Variants in MCRS1 observed in about 807,000 individuals in gnomAD.
The protein encoded by MCRS1 is microspherule protein 1.
MCRS1 carries 22 observed loss-of-function variants against 62.9 expected under a neutral mutation model. The ratio of observed to expected loss-of-function variants is 0.35; its 90% CI spans 0.25 to 0.50. The LOEUF (loss-of-function observed/expected upper bound fraction) is 0.50, where lower values mean the gene tolerates loss of function less well. Ranked by LOEUF, MCRS1 falls within the 20% of genes least tolerant of loss-of-function variation. MCRS1 has a pLI of 0.98. For synonymous variants in MCRS1, 244 were observed against 233.5 expected (o/e 1.04, Z -0.41); for missense variants, 456 against 601.1 (o/e 0.76, Z 2.52).
chr12:49,560,499 C>T (rs1036656157), intron 8 of MCRS1, 129 bp from the exon 9 acceptor site: 7 of 785,980 alleles, frequency 8.9e-6, no homozygotes, highest in Non-Finnish European at 1.6e-5. Context: ...CAAGGGTGCC[C>T]ATACCAGATT....
At position 49,566,835 on chromosome 12, in the gene MCRS1, G is replaced by A; in HGVS notation, c.-104C>T. ...GACCAGGTGAGCTTAAAGGCTGAGA[G>A]GAGATTCTGCAAAGGAGAAATGAGG... On this transcript the variant is annotated 5_prime_UTR_variant, in exon 2 of 15. Coordinates refer to ENST00000343810, the MANE Select transcript of MCRS1 (RefSeq NM_006337.5). 2 of 1,470,516 alleles carry A rather than the reference G, an allele frequency of 1.4e-6. No individual in the cohort carries two copies. Among genetic ancestry groups the A allele is most frequent in the Non-Finnish European group, 1.9e-6 (2 of 1,073,528 alleles). 91.1% of individuals were successfully genotyped at this position (1,470,516 alleles called of 1,614,324 possible).
intron 3 of MCRS1, 75 bp downstream of exon 3, chr12:49,566,002 T>C (rs897026021): frequency 6.5e-7 from 1 of 1,547,210 alleles, no homozygotes. Flanking sequence ...TCCCAACAGA[T>C]GGGGAGGCAT....
intron 8 of MCRS1, 115 bp downstream of exon 8, chr12:49,562,886 G>C: frequency 7.5e-7 from 1 of 1,337,022 alleles, no homozygotes; most frequent in Non-Finnish European, 1.0e-6. Flanking sequence ...CAAGACACTG[G>C]GGATCACTGA....
intron 7 of MCRS1, 118 bp from the exon 8 acceptor site, chr12:49,563,257 C>A: frequency 6.8e-7 from 1 of 1,480,102 alleles, no homozygotes; most frequent in Non-Finnish European, 9.2e-7. Context: ...AAGCTAGTCA[C>A]CCAAGAAGTC....
At chr12:49,565,492 C>T (rs1231699658) in intron 4 of MCRS1, 37 bp downstream of exon 4, 2 of 1,549,216 alleles carry the variant, frequency 1.3e-6, no homozygotes. Context: ...TGAAATCTGG[C>T]ACTACCTCCC....
At chr12:49,563,394 C>A in intron 7 of MCRS1, 44 bp downstream of exon 7, 1 of 1,564,836 alleles carries the variant, frequency 6.4e-7, no homozygotes. Context: ...TGGTCCAGCT[C>A]TCGCTGTGCC....
intron 8 of MCRS1, among the ~76,000 whole-genome samples, chr12:49,561,991 C>T (rs928983400): frequency 1.3e-5 from 2 of 152,194 alleles, no homozygotes; most frequent in East Asian, 1.9e-4. Flanking sequence ...TATCTGTTCT[C>T]TCTGTGGGAA....
At chr12:49,563,225 T>C in intron 7 of MCRS1, 86 bp from the exon 8 acceptor site, 3 of 1,522,078 alleles carry the variant, frequency 2.0e-6, no homozygotes, top group Non-Finnish European at 2.7e-6. Context: ...CACCTCAGCA[T>C]CCCCCAGGAG....
In MCRS1 at chr12:49,559,363, G is replaced by C. The variant is rs1213293631; in HGVS notation, c.1087-62C>G. The C allele has an allele frequency of 5.0e-6, 8 of 1,604,636 alleles. No individual in the cohort carries two copies. Among genetic ancestry groups the C allele is most frequent in the Non-Finnish European group, 6.8e-6 (8 of 1,171,636 alleles). ...GAATTGGGGGAGTAGGTCTATGCAG[G>C]CCAGAGAAAGATGGGAAACCAAGGA... is the stretch of plus-strand genomic sequence containing the variant. On this transcript the variant is annotated intron_variant, in intron 12 of 14. Coordinates refer to ENST00000343810, the MANE Select transcript of MCRS1 (RefSeq NM_006337.5). The surrounding 1 kb of genome is among the most constrained non-coding windows in gnomAD (Gnocchi z 5.2).
chr12:49,559,028 G>A lies in MCRS1; in HGVS notation c.1175-58C>T. On this transcript the variant is annotated intron_variant, in intron 13 of 14. Coordinates refer to ENST00000343810, the MANE Select transcript of MCRS1 (RefSeq NM_006337.5). This position sits in a 1 kb window ranked among gnomAD's most constrained non-coding sequence, Gnocchi z 5.2. ...GATGGGGAGGGATTGATGGGATGGG[G>A]AAAGGCCAGAGAGAGCCAGGAGCTT... 6.2e-6 allele frequency: 10 copies of A among 1,603,790 alleles called. No individual in the cohort carries two copies. Among genetic ancestry groups the A allele is most frequent in the Non-Finnish European group, 7.7e-6 (9 of 1,175,786 alleles).
intron 3 of MCRS1, 62 bp downstream of exon 3, chr12:49,566,015 G>A (rs1939037854): frequency 1.3e-6 from 2 of 1,563,902 alleles, no homozygotes; most frequent in Admixed American, 1.9e-5. Context: ...GGAGGCATGT[G>A]GCACTTAACG....
At position 49,559,693 on chromosome 12, in the gene MCRS1, T is replaced by C; in HGVS notation, c.1003+36A>G. The C allele has an allele frequency of 1.9e-6, 3 of 1,611,906 alleles. No individual in the cohort carries two copies. In the African/African-American group the frequency reaches 4.0e-5, roughly 21 times the overall value. On this transcript the variant is annotated intron_variant, in intron 11 of 14. Coordinates refer to ENST00000343810, the MANE Select transcript of MCRS1 (RefSeq NM_006337.5). This position sits in a 1 kb window ranked among gnomAD's most constrained non-coding sequence, Gnocchi z 5.2. The stretch of plus-strand genomic sequence containing the variant: ...GGGCACAGGCTGGGGCGAAGGATGC[T>C]GAAGAGTGAGCCTTCTGGTGCCCAG...
intron 7 of MCRS1, 75 bp from the exon 8 acceptor site, chr12:49,563,214 C>T (rs1938868243): frequency 6.5e-7 from 1 of 1,530,492 alleles, no homozygotes. Context: ...TCTCTACCTC[C>T]CACCTCAGCA....
At chr12:49,566,316 C>CCT (rs1272535601) in intron 2 of MCRS1, 101 bp from the exon 3 acceptor site, 1 of 1,559,948 alleles carries the variant, frequency 6.4e-7, no homozygotes, top group East Asian at 2.3e-5. Context: ...CCTCTTGGCC[C>CCT]CTCCCCTGCC....
intron 3 of MCRS1, among the ~76,000 whole-genome samples, chr12:49,565,874 G>A (rs1003446332): frequency 2.0e-5 from 3 of 152,184 alleles, no homozygotes; most frequent in Admixed American, 6.5e-5. Flanking sequence ...AAGACTTCAC[G>A]TCAGAGACCT....
intron 4 of MCRS1, chr12:49,565,163 G>A: frequency 1.0e-6 from 1 of 985,424 alleles, no homozygotes; most frequent in Non-Finnish European, 1.2e-6. Context: ...AGTTGGGTGG[G>A]GAGGATACCG....
intron 7 of MCRS1, 115 bp from the exon 8 acceptor site, chr12:49,563,254 T>C (rs1026656004): frequency 6.7e-7 from 1 of 1,486,254 alleles, no homozygotes; most frequent in Non-Finnish European, 9.1e-7. Flanking sequence ...AGCAAGCTAG[T>C]CACCCAAGAA....
At chr12:49,566,029 C>T in intron 3 of MCRS1, 48 bp downstream of exon 3, 1 of 1,585,420 alleles carries the variant, frequency 6.3e-7, no homozygotes. Flanking sequence ...CTTAACGCCA[C>T]AGACCTTCTA....
At chr12:49,564,667 G>C in intron 5 of MCRS1, 70 bp downstream of exon 5, 1 of 1,605,378 alleles carries the variant, frequency 6.2e-7, no homozygotes, top group East Asian at 2.2e-5. Flanking sequence ...GGGCCCTGTT[G>C]GGCTAATTTT....
Sources: gnomAD v4.1 joint callset for allele counts (sites outside exome capture counted in the v4.1 genomes callset) on GRCh38, gnomAD v4.1.1 for gene constraint, Gnocchi (gnomAD v3.1) non-coding constraint, MANE v1.5 for transcripts, NCBI Gene and HGNC (gene_info 2026-07-23, HGNC 2026-07-21) for gene names.